The following TACC1 variants were observed in gnomAD, a reference collection of about 807,000 sequenced individuals.
TACC1 encodes the protein transforming acidic coiled-coil containing protein 1, also known as transforming acidic coiled-coil-containing protein 1.
A neutral mutation model predicts 84.4 loss-of-function variants in TACC1; 48 were observed. The observed-to-expected ratio is 0.57, with a 90% CI of 0.45 to 0.72. TACC1 has a LOEUF of 0.72. Ranked by LOEUF, TACC1 falls within the 30% of genes least tolerant of loss-of-function variation. TACC1 has a pLI of 0.00. For synonymous variants in TACC1, 372 were observed against 376.3 expected (o/e 0.99, Z 0.13); for missense variants, 920 against 973.0 (o/e 0.95, Z 0.72).
chr8:38,776,485 T>G (rs1278193681), intron 3 of TACC1, among the ~76,000 whole-genome samples: 1 of 152,238 alleles, frequency 6.6e-6, no homozygotes. Context: ...TTGGAATATT[T>G]GCATATACAT....
At chr8:38,735,310 G>T (rs947281311) in intron 1 of TACC1, among the ~76,000 whole-genome samples, 11 of 152,174 alleles carry the variant, frequency 7.2e-5, no homozygotes, top group African/African-American at 2.4e-4. Context: ...AACCAAACTG[G>T]TTGTGTGGAG....
At chr8:38,765,155 C>T (rs56386453) in intron 3 of TACC1, among the ~76,000 whole-genome samples, 31,524 of 150,698 alleles carry the variant, frequency 0.21, 3,924 homozygotes, top group Non-Finnish European at 0.29. Flanking sequence ...CTCTTGATGG[C>T]TTTGTTTCTT....
intron 2 of TACC1, among the ~76,000 whole-genome samples, chr8:38,803,431 T>G (rs1010467646): frequency 6.6e-6 from 1 of 152,210 alleles, no homozygotes; most frequent in African/African-American, 2.4e-5. Context: ...TTGAGGAAGT[T>G]CTCTTCTAGT....
intron 2 of TACC1, among the ~76,000 whole-genome samples, chr8:38,794,029 G>A (rs546760923): frequency 1.3e-5 from 2 of 152,342 alleles, no homozygotes; most frequent in East Asian, 3.9e-4. Context: ...TGGGCGTGAG[G>A]TGCCATTAGT....
chr8:38,791,276 AC>A, intron 2 of TACC1, among the ~76,000 whole-genome samples: 1 of 152,190 alleles, frequency 6.6e-6, no homozygotes, highest in South Asian at 2.1e-4. Flanking sequence ...TAAAAGGAAA[AC>A]TTTTAAATGT....
chr8:38,783,301 G>A (rs1035488698), upstream of TACC1, among the ~76,000 whole-genome samples: 4 of 151,864 alleles, frequency 2.6e-5, no homozygotes, highest in Non-Finnish European at 4.4e-5. Context: ...GACAAGAGTT[G>A]TTCACCAGAG....
intron 3 of TACC1, among the ~76,000 whole-genome samples, chr8:38,765,435 T>C (rs890365145): frequency 1.3e-5 from 2 of 152,210 alleles, no homozygotes; most frequent in African/African-American, 4.8e-5. Context: ...GCTGGATCTC[T>C]TCTCTTTGCT....
At chr8:38,838,929 C>G (rs1056055729) in intron 8 of TACC1, among the ~76,000 whole-genome samples, 1 of 151,818 alleles carries the variant, frequency 6.6e-6, no homozygotes, top group African/African-American at 2.4e-5. Flanking sequence ...CAGGGTCTCA[C>G]TCTGTCATCC....
chr8:38,810,785 C>G (rs546765893), intron 2 of TACC1, among the ~76,000 whole-genome samples: 62 of 152,222 alleles, frequency 4.1e-4, no homozygotes, highest in Middle Eastern at 3.4e-3. Context: ...GATTTCTTCT[C>G]TGAACATACT....
At chr8:38,798,521 C>T (rs972193091) in intron 2 of TACC1, among the ~76,000 whole-genome samples, 6 of 151,696 alleles carry the variant, frequency 4.0e-5, no homozygotes, top group East Asian at 1.9e-4. Context: ...TTTGCCCTAC[C>T]GTGACTTCTG....
At chr8:38,791,515 C>G (rs986084837) in intron 2 of TACC1, among the ~76,000 whole-genome samples, 3 of 152,322 alleles carry the variant, frequency 2.0e-5, no homozygotes, top group Non-Finnish European at 2.9e-5. Context: ...CCTTGTCACA[C>G]ATACACAGCA....
chr8:38,790,732 C>T (rs763874418), intron 2 of TACC1, among the ~76,000 whole-genome samples: 5 of 152,194 alleles, frequency 3.3e-5, no homozygotes, highest in Non-Finnish European at 5.9e-5. Flanking sequence ...ATGACATCAG[C>T]AAAAAGCTGA....
chr8:38,827,119 C>A, intron 4 of TACC1, 49 bp from the exon 5 acceptor site: 2 of 1,540,640 alleles, frequency 1.3e-6, no homozygotes, highest in South Asian at 2.4e-5. Context: ...CACTTTTCCC[C>A]ATTGCTTGCC....
At chr8:38,803,890 C>A (rs1448862715) in intron 2 of TACC1, among the ~76,000 whole-genome samples, 2 of 152,102 alleles carry the variant, frequency 1.3e-5, no homozygotes, top group Non-Finnish European at 2.9e-5. Context: ...TGGTCCAGGT[C>A]TTTTCTTTGG....
chr8:38,750,681 A>G (rs928820142), intron 3 of TACC1, among the ~76,000 whole-genome samples: 1 of 152,254 alleles, frequency 6.6e-6, no homozygotes, highest in African/African-American at 2.4e-5. Flanking sequence ...ACTAGCAACT[A>G]ACATTTAGAA....
intron 3 of TACC1, among the ~76,000 whole-genome samples, chr8:38,823,428 A>C (rs1469684777): frequency 6.6e-6 from 1 of 152,210 alleles, no homozygotes; most frequent in Non-Finnish European, 1.5e-5. Context: ...ATGCTTCTGC[A>C]TACTGAAGTT....
At chr8:38,736,735 A>G (rs1188803516) in intron 1 of TACC1, among the ~76,000 whole-genome samples, 1 of 152,222 alleles carries the variant, frequency 6.6e-6, no homozygotes, top group Non-Finnish European at 1.5e-5. Context: ...GAGTTCCTTC[A>G]GGACATCTCT....
chr8:38,816,178 C>A (rs770723777), intron 2 of TACC1, among the ~76,000 whole-genome samples: 1 of 152,046 alleles, frequency 6.6e-6, no homozygotes, highest in Non-Finnish European at 1.5e-5. Flanking sequence ...CAATATCTAA[C>A]AATTCATCCA....
chr8:38,812,599 C>G (rs954073844), intron 2 of TACC1, among the ~76,000 whole-genome samples: 1 of 152,204 alleles, frequency 6.6e-6, no homozygotes, highest in African/African-American at 2.4e-5. Flanking sequence ...ACTCTTTAAT[C>G]CTTTTCCACA....
Sources: allele counts gnomAD v4.1 joint callset (sites outside exome capture counted in the v4.1 genomes callset), GRCh38; gene constraint gnomAD v4.1.1; transcripts MANE v1.5; gene names NCBI Gene and HGNC (gene_info 2026-07-23, HGNC 2026-07-21).